ZNF705B: variants seen among roughly 807,000 people sequenced by gnomAD.
ZNF705B encodes Putative zinc finger protein 705D-like protein LOC100132396.
A neutral mutation model predicts 10.5 loss-of-function variants in ZNF705B; 1 was observed. That is an observed-to-expected ratio of 0.10 (90% CI 0.03 to 0.45). The LOEUF (loss-of-function observed/expected upper bound fraction) is 0.45, where lower values mean the gene tolerates loss of function less well. Among genes scored for constraint, ZNF705B ranks in the 20% least tolerant of loss-of-function variants. The pLI, the probability that ZNF705B is intolerant of heterozygous loss-of-function variation, is 0.97. For synonymous variants in ZNF705B, 4 were observed against 25.4 expected (o/e 0.16, Z 2.53); for missense variants, 14 against 84.0 (o/e 0.17, Z 3.26).
chr8:7,928,029 G>T (rs1303555628), intron 1 of ZNF705B, among the ~76,000 whole-genome samples: 1 of 130,172 alleles, frequency 7.7e-6, no homozygotes, highest in Admixed American at 8.3e-5. Flanking sequence ...TATAAACAGG[G>T]TGGCTTATAA....
At chr8:7,937,471 A>G (rs1252575625) in intron 2 of ZNF705B, among the ~76,000 whole-genome samples, 2 of 108,464 alleles carry the variant, frequency 1.8e-5, no homozygotes, top group Non-Finnish European at 4.3e-5. Flanking sequence ...TGATTGAGTA[A>G]CAGTGAAAAC....
At chr8:7,927,580 T>C (rs2719517) in intron 1 of ZNF705B, among the ~76,000 whole-genome samples, 3 of 80,536 alleles carry the variant, frequency 3.7e-5, no homozygotes, top group Non-Finnish European at 6.8e-5. Flanking sequence ...CAATTGACTC[T>C]TCCTAAGATT....
At position 7,928,361 on chromosome 8, in the gene ZNF705B, AATTT is replaced by A. The variant is rs1819754691; in HGVS notation, c.-221-1922_-221-1919del. Among the ~76,000 whole-genome samples the A allele has an allele frequency of 1.7e-5, 2 of 120,938 alleles. 1 individual carries two copies. The highest frequency in any genetic ancestry group is 4.0e-5 in the Non-Finnish European group (2 of 50,440). The allele number at this position is 120,938 out of a possible 152,430, so 79.3% of individuals were successfully genotyped here. ...TCCTTACCTCCTTCCTCCCTCCGTC[AATTT>A]ATTCATTCATGTATTGATTCTTTCA... On this transcript the variant is annotated intron_variant, in intron 1 of 6. Coordinates refer to ENST00000400120, the MANE Select transcript of ZNF705B (RefSeq NM_001193630.1).
intron 2 of ZNF705B, among the ~76,000 whole-genome samples, chr8:7,931,062 AGGCTGGTCTTGAACTCCCGACCTC>A (rs1482058453): frequency 1.7e-5 from 2 of 119,694 alleles, no homozygotes; most frequent in African/African-American, 5.1e-5. Context: ...CATGTTGGTC[AGGCTGGTCTTGAACTCCCGACCTC>A]GGGTGATCTG....
chr8:7,926,343 G>T lies in ZNF705B; in HGVS notation c.-276G>T, dbSNP rs1275540150. On this transcript the variant is annotated 5_prime_UTR_variant, in exon 1 of 7. Transcript: ENST00000400120. ...ACTGGAGCTGCTTTCAGGTGTCCTT[G>T]TCCCAAGGGACATACAGCACACAGC... 2 of 116,248 alleles carry T rather than the reference G, an allele frequency of 1.7e-5. 1 individual carries two copies. Among genetic ancestry groups the T allele is most frequent in the African/African-American group, 5.2e-5 (2 of 38,266 alleles). 7.2% of individuals were successfully genotyped at this position (116,248 alleles called of 1,614,324 possible).
intron 1 of ZNF705B, among the ~76,000 whole-genome samples, chr8:7,928,744 G>T: frequency 5.5e-5 from 1 of 18,114 alleles, no homozygotes; most frequent in Non-Finnish European, 2.4e-4. Flanking sequence ...CTTTTAACCA[G>T]GTAGCAAAAA....
chr8:7,937,844 C>A (rs1229429963), intron 2 of ZNF705B, among the ~76,000 whole-genome samples: 1 of 97,966 alleles, frequency 1.0e-5, no homozygotes, highest in African/African-American at 2.9e-5. Context: ...AAAGTGTTGA[C>A]TCTGACATTT....
intron 2 of ZNF705B, among the ~76,000 whole-genome samples, chr8:7,932,183 G>A (rs535600184): frequency 1.6e-4 from 20 of 121,426 alleles, no homozygotes; most frequent in Admixed American, 1.5e-3. Context: ...GGATTGCAGT[G>A]TCCACAGTGG....
chr8:7,940,610 C>A (rs1418439379), intron 2 of ZNF705B, among the ~76,000 whole-genome samples: 1 of 137,542 alleles, frequency 7.3e-6, no homozygotes, highest in African/African-American at 2.6e-5. Flanking sequence ...AGCACCAGGG[C>A]CCCTGGCAAC....
chr8:7,940,280 C>T (rs2739915), intron 2 of ZNF705B, among the ~76,000 whole-genome samples: 28,397 of 142,696 alleles, frequency 0.2, 522 homozygotes, highest in South Asian at 0.31. Flanking sequence ...CTTTGTTGAG[C>T]GATGATTACA....
chr8:7,936,196 C>T (rs1480883592), intron 2 of ZNF705B, among the ~76,000 whole-genome samples: 1 of 118,086 alleles, frequency 8.5e-6, no homozygotes, highest in African/African-American at 2.6e-5. Context: ...TAAAATACAG[C>T]TATTTTCTAA....
intron 2 of ZNF705B, among the ~76,000 whole-genome samples, chr8:7,931,021 A>G (rs1819833163): frequency 8.4e-6 from 1 of 118,892 alleles, no homozygotes; most frequent in South Asian, 2.9e-4. Flanking sequence ...ATGCCCAGCT[A>G]ATTTTGTCTT....
At chr8:7,931,608 T>G (rs1819851737) in intron 2 of ZNF705B, among the ~76,000 whole-genome samples, 1 of 121,478 alleles carries the variant, frequency 8.2e-6, no homozygotes, top group African/African-American at 2.5e-5. Context: ...CAGCAATGGG[T>G]GGGATGGGCC....
Position 7,936,209 on chromosome 8 carries a change from T to C in ZNF705B, c.-72+5773T>C, listed in dbSNP as rs1040279605. The stretch of plus-strand genomic sequence containing the variant: ...ATTAAAATACAGCTATTTTCTAACT[T>C]GCAATATGTTTGTGCGGAAATTTGT... On this transcript the variant is annotated intron_variant, in intron 2 of 6. Transcript: ENST00000400120. Among the ~76,000 whole-genome samples, 13 of 119,256 alleles carry C rather than the reference T, an allele frequency of 1.1e-4. 5 individuals are homozygous for C. The highest frequency in any genetic ancestry group is 2.4e-4 in the Non-Finnish European group (12 of 50,046). The allele number at this position is 119,256 out of a possible 152,430, so 78.2% of individuals were successfully genotyped here. A position where few individuals can be genotyped will look rare whatever the true frequency, so the allele number is the denominator to read the frequency against.
At position 7,933,929 on chromosome 8, in the gene ZNF705B, C is replaced by CTT. The variant is rs1162997944; in HGVS notation, c.-72+3521_-72+3522dup. 8.8e-3 allele frequency among the ~76,000 whole-genome samples: 258 copies of CTT among 29,332 alleles called. 14 individuals carry two copies. Among genetic ancestry groups the CTT allele is most frequent in the African/African-American group, 0.019 (241 of 12,790 alleles). 19.2% of individuals were successfully genotyped at this position (29,332 alleles called of 152,430 possible). ...ATCAAGTCATAACATGTAATATAAACTTTTTTTTTTTTTTTTTTTTTTTTT... is the reference window on the plus strand; with the variant it reads ...ATCAAGTCATAACATGTAATATAAACTTTTTTTTTTTTTTTTTTTTTTTTTTT... On this transcript the variant is annotated intron_variant, in intron 2 of 6. Coordinates refer to ENST00000400120, the MANE Select transcript of ZNF705B (RefSeq NM_001193630.1).
chr8:7,940,407 C>T (rs1350949256), intron 2 of ZNF705B, among the ~76,000 whole-genome samples: 1 of 137,560 alleles, frequency 7.3e-6, no homozygotes, highest in African/African-American at 2.6e-5. Flanking sequence ...CCCTAAGTCC[C>T]CTCCCCTTTA....
At chr8:7,933,203 G>A (rs1349625004) in intron 2 of ZNF705B, among the ~76,000 whole-genome samples, 3 of 79,698 alleles carry the variant, frequency 3.8e-5, no homozygotes, top group Admixed American at 1.9e-4. Flanking sequence ...AGGACTCAAC[G>A]CTCCGTTGCT....
chr8:7,940,521 G>T lies in ZNF705B; in HGVS notation c.-71-6830G>T, dbSNP rs1257103405. The stretch of plus-strand genomic sequence containing the variant: ...CAGTATTCTTAGCTGTAAGCACTAT[G>T]CTGTAAACGAGACCTCCAGAACTTA... On this transcript the variant is annotated intron_variant, in intron 2 of 6. Coordinates refer to ENST00000400120, the MANE Select transcript of ZNF705B (RefSeq NM_001193630.1). Among the ~76,000 whole-genome samples, 3 of 115,656 alleles carry T rather than the reference G, an allele frequency of 2.6e-5. 1 individual carries two copies. Among genetic ancestry groups the T allele is most frequent in the African/African-American group, 8.4e-5 (3 of 35,846 alleles). 75.9% of individuals were successfully genotyped at this position (115,656 alleles called of 152,430 possible).
chr8:7,932,178 G>T (rs866972400), intron 2 of ZNF705B, among the ~76,000 whole-genome samples: 3,049 of 119,354 alleles, frequency 0.026, 118 homozygotes, highest in African/African-American at 0.075. Context: ...GGCTAGGATT[G>T]CAGTGTCCAC....
Sources: gnomAD v4.1 joint callset for allele counts (sites outside exome capture counted in the v4.1 genomes callset) on GRCh38, gnomAD v4.1.1 for gene constraint, MANE v1.5 for transcripts, NCBI Gene and HGNC (gene_info 2026-07-23, HGNC 2026-07-21) for gene names.